Variants in CDH18 observed in about 807,000 individuals in gnomAD.
The protein encoded by CDH18 is cadherin 18, also known as cadherin-18.
In CDH18, 31 loss-of-function variants were observed where a neutral mutation model predicts 67.9. The observed-to-expected ratio is 0.46, with a 90% CI of 0.34 to 0.62. The LOEUF (loss-of-function observed/expected upper bound fraction) is 0.62, where lower values mean the gene tolerates loss of function less well. Ranked by LOEUF, CDH18 falls within the 20% of genes least tolerant of loss-of-function variation. CDH18 has a pLI of 0.01. For missense variants in CDH18, 890 were observed against 975.5 expected (o/e 0.91, Z 1.17); for synonymous variants, 362 against 347.2 (o/e 1.04, Z -0.48).
intron 7 of CDH18, among the ~76,000 whole-genome samples, chr5:19,587,867 A>G (rs958113630): frequency 1.3e-5 from 2 of 151,990 alleles, no homozygotes; most frequent in South Asian, 2.1e-4. Context: ...GAATCTATTG[A>G]TTGCTTTGGG....
At chr5:20,008,527 T>C (rs1417502989) in intron 2 of CDH18, among the ~76,000 whole-genome samples, 2 of 152,164 alleles carry the variant, frequency 1.3e-5, no homozygotes, top group African/African-American at 4.8e-5. Context: ...CGAAAGTTAA[T>C]GCTAATAAAG....
upstream of CDH18, among the ~76,000 whole-genome samples, chr5:19,990,443 C>T (rs181570111): frequency 5.9e-5 from 9 of 152,250 alleles, no homozygotes; most frequent in Admixed American, 1.3e-4. Flanking sequence ...GTAATAAGTG[C>T]ATCCAGTGGA....
At chr5:20,274,813 GA>G (rs540242695) in intron 1 of CDH18, among the ~76,000 whole-genome samples, 78 of 152,104 alleles carry the variant, frequency 5.1e-4, no homozygotes, top group African/African-American at 1.8e-3. Flanking sequence ...ATACTTTATA[GA>G]AAAAATATTT....
At chr5:19,542,270 T>C (rs931435531) in intron 9 of CDH18, among the ~76,000 whole-genome samples, 5 of 152,042 alleles carry the variant, frequency 3.3e-5, no homozygotes, top group African/African-American at 1.2e-4. Flanking sequence ...TAAAAAGACA[T>C]ATAGTAACAA....
intron 8 of CDH18, among the ~76,000 whole-genome samples, chr5:19,559,927 A>G (rs566524680): frequency 2.6e-5 from 4 of 151,182 alleles, no homozygotes; most frequent in Admixed American, 6.6e-5. Context: ...AAAACAAACA[A>G]AAAAAAAACT....
chr5:19,781,996 A>G lies in CDH18; in HGVS notation c.229-34760T>C, dbSNP rs114082362. ...GAAAAATATATATTCTGGCCAAAAA[A>G]TCTATTTTCAATTTAAGTGTTAGAC... On this transcript the variant is annotated intron_variant, in intron 3 of 12. Coordinates refer to ENST00000382275, the MANE Select transcript of CDH18 (RefSeq NM_004934.5). Among the ~76,000 whole-genome samples the G allele has an allele frequency of 3.6e-3, 543 of 152,310 alleles. 1 individual carries two copies. The highest frequency in any genetic ancestry group is 0.013 in the African/African-American group (524 of 41,572).
At chr5:20,234,225 C>G (rs975790743) in intron 2 of CDH18, among the ~76,000 whole-genome samples, 4 of 152,098 alleles carry the variant, frequency 2.6e-5, no homozygotes, top group African/African-American at 7.2e-5. Context: ...CCAAGCAACC[C>G]ATAGATACCT....
intron 3 of CDH18, among the ~76,000 whole-genome samples, chr5:19,798,749 G>A (rs78497196): frequency 0.023 from 3,530 of 151,732 alleles, 88 homozygotes; most frequent in African/African-American, 0.07. Flanking sequence ...TTTTTATTCC[G>A]CTAATTATTT....
intron 2 of CDH18, among the ~76,000 whole-genome samples, chr5:19,965,440 C>A (rs936396800): frequency 6.6e-6 from 1 of 152,112 alleles, no homozygotes. Context: ...GATGACTTTA[C>A]ATAAACTATA....
chr5:20,258,037 T>C (rs1360194572), intron 1 of CDH18, among the ~76,000 whole-genome samples: 1 of 152,106 alleles, frequency 6.6e-6, no homozygotes, highest in Non-Finnish European at 1.5e-5. Context: ...TTCATTTCAA[T>C]TCATTCTCCA....
chr5:20,403,354 GT>G (rs1467441298), intron 1 of CDH18, among the ~76,000 whole-genome samples: 1 of 152,050 alleles, frequency 6.6e-6, no homozygotes, highest in Non-Finnish European at 1.5e-5. Context: ...TGTCACTGGA[GT>G]TTGGTGTACA....
chr5:20,280,624 T>G (rs1746183831), intron 1 of CDH18, among the ~76,000 whole-genome samples: 1 of 152,208 alleles, frequency 6.6e-6, no homozygotes, highest in Non-Finnish European at 1.5e-5. Flanking sequence ...ACATTTGGGT[T>G]GGTTCCAAGT....
chr5:19,521,988 T>G (rs1746974775), intron 9 of CDH18, among the ~76,000 whole-genome samples: 1 of 152,262 alleles, frequency 6.6e-6, no homozygotes, highest in African/African-American at 2.4e-5. Context: ...AAGTGTCAAC[T>G]GCCTAAACAA....
intron 2 of CDH18, among the ~76,000 whole-genome samples, chr5:20,158,292 T>C (rs1751714984): frequency 6.6e-6 from 1 of 152,132 alleles, no homozygotes; most frequent in Non-Finnish European, 1.5e-5. Context: ...TAGTAACAAT[T>C]GCACAAATGA....
chr5:19,637,784 A>G (rs1331213969), intron 5 of CDH18, among the ~76,000 whole-genome samples: 2 of 151,526 alleles, frequency 1.3e-5, no homozygotes, highest in Non-Finnish European at 2.9e-5. Flanking sequence ...TCCTCACCCA[A>G]CTCCTTGGAT....
chr5:19,712,860 G>C (rs1403168947), intron 5 of CDH18, among the ~76,000 whole-genome samples: 1 of 151,510 alleles, frequency 6.6e-6, no homozygotes, highest in East Asian at 1.9e-4. Flanking sequence ...GGAATCAATG[G>C]GATTGCAGTA....
intron 2 of CDH18, among the ~76,000 whole-genome samples, chr5:19,906,223 A>G (rs1194112382): frequency 3.3e-5 from 5 of 151,968 alleles, no homozygotes; most frequent in Admixed American, 3.3e-4. Context: ...AGGAAATGCA[A>G]TCCATAGACA....
chr5:20,258,551 T>C (rs1198205691), intron 1 of CDH18, among the ~76,000 whole-genome samples: 1 of 152,202 alleles, frequency 6.6e-6, no homozygotes, highest in East Asian at 1.9e-4. Context: ...ATTTCTAACA[T>C]GATATTGGAT....
intron 2 of CDH18, among the ~76,000 whole-genome samples, chr5:20,162,591 GT>G (rs1735977407): frequency 6.7e-6 from 1 of 150,110 alleles, no homozygotes; most frequent in Non-Finnish European, 1.5e-5. Flanking sequence ...AAGGCCTTTG[GT>G]ACCATGGAGG....
Sources: allele counts gnomAD v4.1 joint callset (sites outside exome capture counted in the v4.1 genomes callset), GRCh38; gene constraint gnomAD v4.1.1; transcripts MANE v1.5; gene names NCBI Gene and HGNC (gene_info 2026-07-23, HGNC 2026-07-21).